MILR1: variants seen among roughly 807,000 people sequenced by gnomAD.
MILR1 encodes the protein allergin-1.
In MILR1, 31 loss-of-function variants were observed where a neutral mutation model predicts 18.5. That is an observed-to-expected ratio of 1.68 (90% CI 1.26 to 2.26). The LOEUF (loss-of-function observed/expected upper bound fraction) is 2.26, where lower values mean the gene tolerates loss of function less well. Among genes scored for constraint, MILR1 ranks in the 30% most tolerant of loss-of-function variants. The pLI, the probability that MILR1 is intolerant of heterozygous loss-of-function variation, is 0.00. For missense variants in MILR1, 257 were observed against 157.4 expected (o/e 1.63, Z -3.38); for synonymous variants, 85 against 56.2 (o/e 1.51, Z -2.30).
downstream of MILR1, among the ~76,000 whole-genome samples, chr17:64,472,295 C>T (rs1432599296): frequency 6.6e-6 from 1 of 151,204 alleles, no homozygotes; most frequent in Non-Finnish European, 1.5e-5. Context: ...GGTGAAACCC[C>T]GTCTCTACTA....
chr17:64,464,833 A>G (rs1424401232), intron 5 of MILR1, among the ~76,000 whole-genome samples: 1 of 152,264 alleles, frequency 6.6e-6, no homozygotes, highest in Non-Finnish European at 1.5e-5. Flanking sequence ...CTGAGGCAGG[A>G]GAATCGCTTG....
intron 2 of MILR1, among the ~76,000 whole-genome samples, chr17:64,452,154 T>C (rs1008474418): frequency 2.0e-5 from 3 of 151,650 alleles, no homozygotes; most frequent in Non-Finnish European, 1.5e-5. Flanking sequence ...CCCAGGCTGT[T>C]CTCGAACTCC....
chr17:64,456,036 G>A (rs1016092689), intron 3 of MILR1, among the ~76,000 whole-genome samples: 7 of 151,968 alleles, frequency 4.6e-5, no homozygotes, highest in South Asian at 2.1e-4. Flanking sequence ...GTGAGACTCC[G>A]TCTCAAAACA....
At chr17:64,490,780 T>A in the MILR1 span, 1 of 1,598,742 alleles carries the variant, frequency 6.3e-7, no homozygotes, top group East Asian at 2.2e-5. Context: ...ACATAGGAGC[T>A]CCAGGTAAAA....
the MILR1 span, among the ~76,000 whole-genome samples, chr17:64,488,150 G>T: frequency 6.6e-6 from 1 of 152,110 alleles, no homozygotes; most frequent in African/African-American, 2.4e-5. Context: ...GATTGCTTGA[G>T]CCCAGGAGTT....
At chr17:64,489,352 GT>G in the MILR1 span, among the ~76,000 whole-genome samples, 2 of 133,566 alleles carry the variant, frequency 1.5e-5, no homozygotes, top group Middle Eastern at 4.3e-3. Flanking sequence ...GATGGAATTT[GT>G]TTTTTTTTAA....
At chr17:64,488,640 TAATAACC>T in the MILR1 span, among the ~76,000 whole-genome samples, 6 of 152,236 alleles carry the variant, frequency 3.9e-5, no homozygotes, top group African/African-American at 1.4e-4. Context: ...TTAACTATGA[TAATAACC>T]AATAAGTTTC....
chr17:64,495,265 G>A, the MILR1 span, among the ~76,000 whole-genome samples: 18 of 150,196 alleles, frequency 1.2e-4, no homozygotes, highest in African/African-American at 3.7e-4. Context: ...TTTAAACGAA[G>A]AAAGTTAGGA....
intron 3 of MILR1, among the ~76,000 whole-genome samples, chr17:64,456,993 A>G (rs2037314227): frequency 6.6e-6 from 1 of 152,174 alleles, no homozygotes; most frequent in African/African-American, 2.4e-5. Flanking sequence ...CCTGGCCAAC[A>G]TGGTAAGGCC....
the MILR1 span, chr17:64,485,978 A>G: frequency 1.0e-6 from 1 of 997,106 alleles, no homozygotes; most frequent in South Asian, 1.3e-5. Flanking sequence ...GTGCAGTGGC[A>G]TGATCTCAGC....
chr17:64,496,738 A>G, the MILR1 span: 1 of 1,613,994 alleles, frequency 6.2e-7, no homozygotes, highest in Non-Finnish European at 8.5e-7. Context: ...CACTTAGGAA[A>G]TGCCTTCTCT....
Position 64,465,813 on chromosome 17 carries a change from C to T in MILR1, c.853+272C>T, listed in dbSNP as rs75806177. On this transcript the variant is annotated intron_variant, in intron 6 of 9. Transcript: ENST00000619286. ...ATTTTGTTTTTTTTTCATGTAACAA[C>T]GTATCTTGGAGATTTTTCACATCTG... 2.9e-3 allele frequency among the ~76,000 whole-genome samples: 437 copies of T among 151,886 alleles called. 1 individual carries two copies. The highest frequency in any genetic ancestry group is 0.01 in the African/African-American group (422 of 41,404).
At chr17:64,470,776 A>G (rs2037676493), downstream of MILR1, among the ~76,000 whole-genome samples, 1 of 152,158 alleles carries the variant, frequency 6.6e-6, no homozygotes, top group Non-Finnish European at 1.5e-5. Context: ...AAACCCTGTC[A>G]TCAGGGTTTC....
the MILR1 span, among the ~76,000 whole-genome samples, chr17:64,494,542 T>A: frequency 1.3e-5 from 2 of 152,212 alleles, no homozygotes; most frequent in African/African-American, 4.8e-5. Flanking sequence ...ATTTATTCCA[T>A]AGCTTCTGTA....
At chr17:64,467,698 C>A in intron 9 of MILR1, 53 bp downstream of exon 9, 2 of 1,126,394 alleles carry the variant, frequency 1.8e-6, no homozygotes, top group Non-Finnish European at 2.6e-6. Context: ...AAACTTGAGG[C>A]TGAGGCAGGT....
intron 2 of MILR1, 49 bp from the exon 3 acceptor site, chr17:64,452,548 C>T (rs1446352484): frequency 1.2e-5 from 5 of 412,354 alleles, no homozygotes; most frequent in East Asian, 3.6e-5. Context: ...CCACCTTGCC[C>T]GGCCAGGATC....
the MILR1 span, among the ~76,000 whole-genome samples, chr17:64,483,253 C>T: frequency 1.3e-5 from 2 of 152,104 alleles, no homozygotes; most frequent in African/African-American, 4.8e-5. Context: ...GTGGTACATG[C>T]CTATAATTCC....
chr17:64,476,820 T>C, the MILR1 span, among the ~76,000 whole-genome samples: 1 of 150,962 alleles, frequency 6.6e-6, no homozygotes, highest in Admixed American at 6.6e-5. Flanking sequence ...AGACCCTGTC[T>C]CTACAAAAAA....
intron 3 of MILR1, among the ~76,000 whole-genome samples, chr17:64,455,195 A>G (rs1215351095): frequency 6.6e-6 from 1 of 152,178 alleles, no homozygotes; most frequent in Non-Finnish European, 1.5e-5. Flanking sequence ...CCATCAGTTC[A>G]TATGTTTTTT....
Sources: allele counts gnomAD v4.1 joint callset (sites outside exome capture counted in the v4.1 genomes callset), GRCh38; gene constraint gnomAD v4.1.1; transcripts MANE v1.5; gene names NCBI Gene and HGNC (gene_info 2026-07-23, HGNC 2026-07-21).